FGF14: variants seen among roughly 807,000 people sequenced by gnomAD.
FGF14 encodes the protein fibroblast growth factor homologous factor 4.
In FGF14, 5 loss-of-function variants were observed where a neutral mutation model predicts 25.5. The observed-to-expected ratio is 0.20, with a 90% CI of 0.10 to 0.41. FGF14 has a LOEUF of 0.41. Ranked by LOEUF, FGF14 falls within the 10% of genes least tolerant of loss-of-function variation. FGF14 has a pLI of 1.00. For synonymous variants in FGF14, 138 were observed against 118.3 expected, an observed-to-expected ratio of 1.17 and a Z score of -1.08; for missense variants, 222 against 320.1, an observed-to-expected ratio of 0.69 and a Z score of 2.34.
chr13:102,187,818 C>T (rs2048936531), intron 1 of FGF14, among the ~76,000 whole-genome samples: 1 of 152,172 alleles, frequency 6.6e-6, no homozygotes, highest in African/African-American at 2.4e-5. Context: ...CCCTTTTCCG[C>T]TATCAATTAC....
intron 1 of FGF14, among the ~76,000 whole-genome samples, chr13:102,077,170 T>G (rs563659177): frequency 6.6e-6 from 1 of 152,162 alleles, no homozygotes; most frequent in Non-Finnish European, 1.5e-5. Flanking sequence ...AACATTTGAA[T>G]GTATGACACA....
At chr13:101,879,035 A>G (rs907815418) in intron 1 of FGF14, among the ~76,000 whole-genome samples, 1 of 152,180 alleles carries the variant, frequency 6.6e-6, no homozygotes, top group Non-Finnish European at 1.5e-5. Context: ...AAATATCTAA[A>G]GTCCTACACC....
intron 3 of FGF14, among the ~76,000 whole-genome samples, chr13:101,756,909 G>A (rs1185342104): frequency 6.6e-6 from 1 of 152,108 alleles, no homozygotes; most frequent in Non-Finnish European, 1.5e-5. Flanking sequence ...AGTATAAAAA[G>A]TGCTCAGAAT....
At chr13:102,165,227 C>A (rs962837392) in intron 1 of FGF14, among the ~76,000 whole-genome samples, 4 of 152,014 alleles carry the variant, frequency 2.6e-5, no homozygotes, top group African/African-American at 7.2e-5. Context: ...GGACTGTAAA[C>A]TAGTTCAACC....
chr13:101,717,783 AC>A lies in FGF14; in HGVS notation c.*5047del, dbSNP rs1241317693. 2.6e-5 allele frequency: 4 copies of A among 152,158 alleles called. No individual in the cohort carries two copies. The highest frequency in any genetic ancestry group is 9.6e-5 in the African/African-American group (4 of 41,456). 9.4% of individuals were successfully genotyped at this position (152,158 alleles called of 1,614,324 possible). A position where few individuals can be genotyped will look rare whatever the true frequency, so the allele number is the denominator to read the frequency against. ...TGGATTTGGCTGGCAGCTGGGCAGT[AC>A]TTTGTCAGCCTCAGCTCCACTGGAA... On this transcript the variant is annotated 3_prime_UTR_variant, in exon 5 of 5. Transcript: ENST00000376143.
chr13:101,991,367 A>T (rs1016991451), intron 1 of FGF14, among the ~76,000 whole-genome samples: 34 of 152,148 alleles, frequency 2.2e-4, no homozygotes, highest in South Asian at 4.1e-4. Flanking sequence ...ATGACTTTTT[A>T]AAAAAAAGTT....
intron 1 of FGF14, among the ~76,000 whole-genome samples, chr13:102,156,395 A>G (rs1423454529): frequency 1.2e-4 from 19 of 152,208 alleles, no homozygotes; most frequent in Non-Finnish European, 2.6e-4. Context: ...TATAAACAGA[A>G]CCAATGACAA....
In FGF14 at chr13:101,833,620, T is replaced by C. The variant is rs1011179594; in HGVS notation, c.408+35105A>G. On this transcript the variant is annotated intron_variant, in intron 3 of 4. Coordinates refer to ENST00000376143, the MANE Select transcript of FGF14 (RefSeq NM_004115.4). Reference sequence around the variant, plus strand: ...ACTGCTCTGTGTGTATATACATATATACAGACAGATAGGTGTGTGTATACA... The same window carrying C: ...ACTGCTCTGTGTGTATATACATATACACAGACAGATAGGTGTGTGTATACA... Among the ~76,000 whole-genome samples the C allele has an allele frequency of 9.9e-5, 15 of 152,196 alleles. No homozygotes were observed. In the Middle Eastern group the frequency reaches 0.01, roughly 104 times the overall value.
chr13:102,356,442 T>A (rs1444954183), intron 1 of FGF14, among the ~76,000 whole-genome samples: 1 of 152,214 alleles, frequency 6.6e-6, no homozygotes, highest in Non-Finnish European at 1.5e-5. Context: ...AATGCCTACC[T>A]CTTGCCTGAC....
At chr13:102,154,297 A>G (rs1433669666) in intron 1 of FGF14, among the ~76,000 whole-genome samples, 1 of 151,876 alleles carries the variant, frequency 6.6e-6, no homozygotes, top group Admixed American at 6.6e-5. Flanking sequence ...AGGGAAGCCC[A>G]TCAGACTAAC....
chr13:102,099,906 T>C (rs2044579920), intron 1 of FGF14, among the ~76,000 whole-genome samples: 1 of 152,206 alleles, frequency 6.6e-6, no homozygotes, highest in African/African-American at 2.4e-5. Flanking sequence ...TTCTTTTCCC[T>C]GGAATATTTA....
intron 1 of FGF14, among the ~76,000 whole-genome samples, chr13:102,153,240 T>C (rs537642): frequency 0.12 from 18,382 of 152,232 alleles, 2,119 homozygotes; most frequent in East Asian, 0.5. Context: ...TGTTGTTCTG[T>C]TGAGAGAGAA....
At chr13:102,211,223 TAAC>T (rs1351359163) in intron 1 of FGF14, among the ~76,000 whole-genome samples, 1 of 152,100 alleles carries the variant, frequency 6.6e-6, no homozygotes, top group Non-Finnish European at 1.5e-5. Context: ...AAGAGTTAAT[TAAC>T]AACACACTCT....
chr13:101,783,177 T>C (rs1290394765), intron 3 of FGF14, among the ~76,000 whole-genome samples: 1 of 152,118 alleles, frequency 6.6e-6, no homozygotes, highest in Non-Finnish European at 1.5e-5. Flanking sequence ...TATGCCTTCT[T>C]TTTAAAAGTG....
intron 3 of FGF14, among the ~76,000 whole-genome samples, chr13:101,808,234 A>C (rs2041307510): frequency 1.3e-5 from 2 of 152,036 alleles, no homozygotes; most frequent in Admixed American, 6.6e-5. Flanking sequence ...ACTTACATGC[A>C]TCTGTGAATC....
At chr13:102,161,659 A>T (rs879768831) in intron 1 of FGF14, among the ~76,000 whole-genome samples, 1,139 of 27,450 alleles carry the variant, frequency 0.041, 85 homozygotes, top group African/African-American at 0.079. Flanking sequence ...GAAGAAGAAG[A>T]AGAAGAAGAA....
chr13:101,868,430 A>ATAATAATAATAATAATAATAAT, intron 3 of FGF14: 1 of 297,818 alleles, frequency 3.4e-6, no homozygotes, highest in East Asian at 7.5e-5. Context: ...AAACTCTCTA[A>ATAATAATAATAATAATAATAAT]GATAAGTGCA....
chr13:102,124,197 A>C (rs988708928), intron 1 of FGF14, among the ~76,000 whole-genome samples: 1 of 152,172 alleles, frequency 6.6e-6, no homozygotes, highest in Non-Finnish European at 1.5e-5. Flanking sequence ...CTAAAAATTA[A>C]AAAGCTGTCC....
rs1046614506 is a variant in FGF14, at chr13:101,850,365, A to T, written c.408+18360T>A. On this transcript the variant is annotated intron_variant, in intron 3 of 4. Coordinates refer to ENST00000376143, the MANE Select transcript of FGF14 (RefSeq NM_004115.4). ...GCTCCTCGGGAGGCTGAGATAGGAG[A>T]ATCATTCTAACCTAGGAGGTGGAGG... Among the ~76,000 whole-genome samples the T allele has an allele frequency of 2.8e-5, 4 of 143,580 alleles. No individual in the cohort carries two copies. The South Asian group carries it at 9.0e-4, about 32-fold the overall frequency. The allele number at this position is 143,580 out of a possible 152,430, so 94.2% of individuals were successfully genotyped here. A position where few individuals can be genotyped will look rare whatever the true frequency, so the allele number is the denominator to read the frequency against.
Sources: allele counts gnomAD v4.1 joint callset (sites outside exome capture counted in the v4.1 genomes callset), GRCh38; gene constraint gnomAD v4.1.1; transcripts MANE v1.5; gene names NCBI Gene and HGNC (gene_info 2026-07-23, HGNC 2026-07-21).